The following NPTN variants were observed in gnomAD, a reference collection of about 807,000 sequenced individuals.
NPTN encodes the protein neuroplastin.
A neutral mutation model predicts 42.7 loss-of-function variants in NPTN; 5 were observed. The observed-to-expected ratio is 0.12, with a 90% CI of 0.06 to 0.25. The LOEUF is 0.25. NPTN is among the 10% of genes least tolerant of loss of function. The pLI, the probability that NPTN is intolerant of heterozygous loss-of-function variation, is 1.00. For missense variants in NPTN, 307 were observed against 525.4 expected (o/e 0.58, Z 4.06); for synonymous variants, 180 against 201.9 (o/e 0.89, Z 0.92).
intron 4 of NPTN, among the ~76,000 whole-genome samples, chr15:73,587,026 T>G (rs552782933): frequency 9.2e-5 from 14 of 152,348 alleles, no homozygotes; most frequent in African/African-American, 3.4e-4. Flanking sequence ...ATTAAAATTC[T>G]AATGAATTAT....
chr15:73,564,765 AG>A, intron 6 of NPTN, among the ~76,000 whole-genome samples: 1 of 152,352 alleles, frequency 6.6e-6, no homozygotes. Context: ...GCTACATGCT[AG>A]GAACTAAGCA....
At chr15:73,593,912 A>G (rs543466367) in intron 2 of NPTN, among the ~76,000 whole-genome samples, 4 of 152,170 alleles carry the variant, frequency 2.6e-5, no homozygotes, top group Admixed American at 6.5e-5. Context: ...CATGGTTTCC[A>G]AGACACACTG....
chr15:73,612,900 C>A (rs1433590701), intron 1 of NPTN, among the ~76,000 whole-genome samples: 1 of 152,164 alleles, frequency 6.6e-6, no homozygotes, highest in Non-Finnish European at 1.5e-5. Flanking sequence ...ATCTCCTAAG[C>A]CTTTATCACG....
chr15:73,586,470 C>T (rs903676182), intron 4 of NPTN, among the ~76,000 whole-genome samples: 1 of 152,162 alleles, frequency 6.6e-6, no homozygotes, highest in African/African-American at 2.4e-5. Flanking sequence ...GAGGCAGTGG[C>T]CATCCCTACA....
At chr15:73,596,934 TG>T in intron 2 of NPTN, 87 bp downstream of exon 2, 1 of 1,082,638 alleles carries the variant, frequency 9.2e-7, no homozygotes, top group Non-Finnish European at 1.3e-6. Flanking sequence ...GTGATCATAC[TG>T]GGGAAGAGGG....
At chr15:73,587,203 C>CT (rs770382323) in intron 4 of NPTN, among the ~76,000 whole-genome samples, 1 of 152,162 alleles carries the variant, frequency 6.6e-6, no homozygotes, top group Non-Finnish European at 1.5e-5. Context: ...ATAAAAACAG[C>CT]AATTTTATGC....
At chr15:73,613,419 C>T (rs749992517) in intron 1 of NPTN, among the ~76,000 whole-genome samples, 12 of 152,138 alleles carry the variant, frequency 7.9e-5, no homozygotes, top group Non-Finnish European at 1.2e-4. Context: ...ATAAAGTACA[C>T]AATTCAAGGC....
intron 1 of NPTN, among the ~76,000 whole-genome samples, chr15:73,621,305 T>C (rs1419435549): frequency 6.6e-6 from 1 of 152,194 alleles, no homozygotes; most frequent in Non-Finnish European, 1.5e-5. Context: ...CCATCTAAAA[T>C]GCACATTTTA....
intron 4 of NPTN, among the ~76,000 whole-genome samples, chr15:73,584,315 G>C (rs1896206069): frequency 6.6e-6 from 1 of 152,140 alleles, no homozygotes; most frequent in Non-Finnish European, 1.5e-5. Context: ...CTGCTTGGGA[G>C]TCATGAGAGC....
intron 1 of NPTN, among the ~76,000 whole-genome samples, chr15:73,607,395 C>T (rs1382920032): frequency 6.6e-6 from 1 of 152,186 alleles, no homozygotes; most frequent in African/African-American, 2.4e-5. Context: ...ACAATCAGGA[C>T]TTAAATGTTA....
intron 4 of NPTN, among the ~76,000 whole-genome samples, chr15:73,578,136 CAG>C (rs1214304654): frequency 1.3e-5 from 2 of 152,032 alleles, no homozygotes; most frequent in Non-Finnish European, 2.9e-5. Context: ...TAAAAGAAAT[CAG>C]AGAGACTGGG....
intron 1 of NPTN, among the ~76,000 whole-genome samples, chr15:73,598,042 G>A (rs542054449): frequency 8.5e-5 from 13 of 152,122 alleles, no homozygotes; most frequent in Non-Finnish European, 1.6e-4. Context: ...GTTGTTTAGC[G>A]TTAGGCAGCC....
chr15:73,609,580 G>A (rs750564310), intron 1 of NPTN, among the ~76,000 whole-genome samples: 5 of 152,150 alleles, frequency 3.3e-5, no homozygotes, highest in Non-Finnish European at 5.9e-5. Flanking sequence ...GCAGTGAGCC[G>A]AGACGGCGCC....
At chr15:73,602,341 TCTC>T (rs2141418856) in intron 1 of NPTN, among the ~76,000 whole-genome samples, 1 of 152,256 alleles carries the variant, frequency 6.6e-6, no homozygotes, top group Non-Finnish European at 1.5e-5. Flanking sequence ...CATGCTGTTC[TCTC>T]CTTCGTTCCT....
At chr15:73,608,472 T>G (rs1040219277) in intron 1 of NPTN, among the ~76,000 whole-genome samples, 4 of 152,164 alleles carry the variant, frequency 2.6e-5, no homozygotes, top group African/African-American at 4.8e-5. Context: ...TTACAATTAG[T>G]AGGAATGAGT....
chr15:73,593,255 TCAAGA>T (rs1295922874), intron 2 of NPTN, among the ~76,000 whole-genome samples: 3 of 152,244 alleles, frequency 2.0e-5, no homozygotes, highest in Non-Finnish European at 4.4e-5. Context: ...TGTATTAAAG[TCAAGA>T]CATTTCTATG....
chr15:73,633,200 G>C lies in NPTN; in HGVS notation c.16C>G (p.Leu6Val), dbSNP rs768504634. MSGSS[L>V]PSALALSLLL... ...AGCGAGAGGGCCAGGGCGCTGGGCA[G>C]CGACGAACCCGACATCCTCCCTAGC... The change falls in exon 1 of 9, where the codon CTG becomes GTG. Residue 6 changes from leucine (L) to valine (V), a missense_variant. Physicochemically the swap from Leu to Val is conservative, Grantham distance 32. This residue lies in a region of NPTN where 43 missense variants were observed against 34.3 expected (regional missense o/e 1.25). Transcript: ENST00000345330. The C allele has an allele frequency of 6.5e-7, 1 of 1,530,338 alleles. No homozygotes were observed. Among genetic ancestry groups the C allele is most frequent in the African/African-American group, 1.4e-5 (1 of 69,368 alleles). The allele number at this position is 1,530,338 out of a possible 1,614,324, so 94.8% of individuals were successfully genotyped here. A position where few individuals can be genotyped will look rare whatever the true frequency, so the allele number is the denominator to read the frequency against.
chr15:73,576,494 A>G (rs1895705246), intron 4 of NPTN, among the ~76,000 whole-genome samples: 1 of 152,000 alleles, frequency 6.6e-6, no homozygotes, highest in Non-Finnish European at 1.5e-5. Context: ...ATACCTGGCT[A>G]ATTTTTGTAT....
At chr15:73,595,920 G>T (rs1896817250) in intron 2 of NPTN, among the ~76,000 whole-genome samples, 1 of 152,226 alleles carries the variant, frequency 6.6e-6, no homozygotes, top group Admixed American at 6.5e-5. Flanking sequence ...GCTACAAGGA[G>T]AGGATTCTGA....
Sources: gnomAD v4.1 joint callset for allele counts (sites outside exome capture counted in the v4.1 genomes callset) on GRCh38, gnomAD v4.1.1 for gene constraint, gnomAD v4.1.1 regional missense constraint, MANE v1.5 for transcripts, NCBI Gene and HGNC (gene_info 2026-07-23, HGNC 2026-07-21) for gene names.